PDE11A: variants seen among roughly 807,000 people sequenced by gnomAD.
PDE11A encodes phosphodiesterase 11A.
In PDE11A, 100 loss-of-function variants were observed where a neutral mutation model predicts 100.5. That is an observed-to-expected ratio of 1.00 (90% CI 0.85 to 1.18). PDE11A has a LOEUF of 1.18. Among genes scored for constraint, PDE11A ranks in the 50% most tolerant of loss-of-function variants. The pLI is 0.00. For missense variants in PDE11A, 1,141 were observed against 1,152.6 expected (o/e 0.99, Z 0.15); for synonymous variants, 381 against 420.8 (o/e 0.91, Z 1.16).
At chr2:178,044,491 C>A (rs1574363826) in intron 1 of PDE11A, among the ~76,000 whole-genome samples, 1 of 96,638 alleles carries the variant, frequency 1.0e-5, no homozygotes, top group Admixed American at 9.5e-5. Flanking sequence ...CTGATATAAA[C>A]CCTTGTTTAT....
intron 2 of PDE11A, among the ~76,000 whole-genome samples, chr2:177,966,938 T>A (rs7604345): frequency 0.5 from 75,937 of 151,960 alleles, 21,910 homozygotes; most frequent in African/African-American, 0.8. Flanking sequence ...TGACAGCTCT[T>A]CTTTATACAT....
chr2:177,957,965 A>G lies in PDE11A; in HGVS notation c.1072-52778T>C, dbSNP rs549201777. Among the ~76,000 whole-genome samples the G allele has an allele frequency of 1.5e-3, 207 of 134,008 alleles. 1 individual carries two copies. Among genetic ancestry groups the G allele is most frequent in the Non-Finnish European group, 2.2e-3 (142 of 65,386 alleles). The allele number at this position is 134,008 out of a possible 152,430, so 87.9% of individuals were successfully genotyped here. A position where few individuals can be genotyped will look rare whatever the true frequency, so the allele number is the denominator to read the frequency against. On this transcript the variant is annotated intron_variant, in intron 2 of 19. Transcript: ENST00000286063. ...GCCCAGGCTGGAGTGCAGTGGCGCA[A>G]TCTTGGCTCACTGCAACCTCCCCTC...
chr2:177,711,324 T>C (rs6718702), intron 13 of PDE11A, among the ~76,000 whole-genome samples: 115,507 of 152,206 alleles, frequency 0.76, 43,974 homozygotes, highest in East Asian at 0.84. Context: ...ATAGTTTATA[T>C]AATACCCAAC....
intron 1 of PDE11A, chr2:178,105,704 A>T: frequency 1.0e-6 from 1 of 1,003,372 alleles, no homozygotes; most frequent in Non-Finnish European, 1.4e-6. Context: ...GTGGAACCTG[A>T]TGGCATAGGT....
intron 5 of PDE11A, among the ~76,000 whole-genome samples, chr2:177,847,107 C>T (rs2083613830): frequency 6.6e-6 from 1 of 152,220 alleles, no homozygotes; most frequent in Non-Finnish European, 1.5e-5. Flanking sequence ...GCATGCCTTC[C>T]TTATTCGTAC....
At chr2:177,731,943 A>AT (rs926259559) in intron 10 of PDE11A, among the ~76,000 whole-genome samples, 6 of 152,168 alleles carry the variant, frequency 3.9e-5, no homozygotes, top group Non-Finnish European at 8.8e-5. Context: ...ACTAAAAAAA[A>AT]CCTTTATTTT....
At chr2:177,936,700 C>A (rs907501128) in intron 2 of PDE11A, among the ~76,000 whole-genome samples, 36 of 152,170 alleles carry the variant, frequency 2.4e-4, no homozygotes, top group Admixed American at 1.5e-3. Flanking sequence ...GTGTGTGGAT[C>A]ACCTGAGGTC....
intron 2 of PDE11A, among the ~76,000 whole-genome samples, chr2:177,933,908 T>G (rs2085240341): frequency 6.6e-6 from 1 of 152,150 alleles, no homozygotes; most frequent in Non-Finnish European, 1.5e-5. Flanking sequence ...TGAATGGTGT[T>G]GGGATAGCTG....
intron 15 of PDE11A, among the ~76,000 whole-genome samples, chr2:177,693,488 C>A (rs527563539): frequency 2.0e-5 from 3 of 152,194 alleles, no homozygotes; most frequent in African/African-American, 7.2e-5. Flanking sequence ...CCCTCCTTCC[C>A]CATTTCACTG....
At chr2:177,728,307 C>T in intron 10 of PDE11A, 135 bp from the exon 11 acceptor site, 1 of 715,492 alleles carries the variant, frequency 1.4e-6, no homozygotes, top group Non-Finnish European at 2.5e-6. Flanking sequence ...TACAGCTAAA[C>T]TCTGAGCTGT....
At chr2:177,996,476 T>C (rs397868412) in intron 2 of PDE11A, among the ~76,000 whole-genome samples, 8,383 of 149,794 alleles carry the variant, frequency 0.056, 305 homozygotes, top group South Asian at 0.092. Context: ...TACATATATA[T>C]ATATATATAT....
chr2:177,719,677 T>C (rs1405624001), intron 12 of PDE11A, among the ~76,000 whole-genome samples: 1 of 152,122 alleles, frequency 6.6e-6, no homozygotes, highest in Non-Finnish European at 1.5e-5. Flanking sequence ...CTTATGAGCT[T>C]GGAACAGAAA....
intron 2 of PDE11A, among the ~76,000 whole-genome samples, chr2:178,005,505 T>G (rs1048830975): frequency 5.3e-5 from 8 of 152,132 alleles, no homozygotes; most frequent in African/African-American, 1.9e-4. Context: ...ATCTAATCAC[T>G]ACTTGGAATT....
At chr2:178,034,502 A>G (rs954328924) in intron 1 of PDE11A, among the ~76,000 whole-genome samples, 4 of 152,186 alleles carry the variant, frequency 2.6e-5, no homozygotes, top group African/African-American at 9.7e-5. Flanking sequence ...CAGGACTTGA[A>G]CTCGGCTATG....
At chr2:177,646,761 C>G (rs146401492) in intron 19 of PDE11A, among the ~76,000 whole-genome samples, 8 of 152,318 alleles carry the variant, frequency 5.3e-5, no homozygotes, top group Admixed American at 2.0e-4. Context: ...GAAGAAACAC[C>G]ACTTCCCAAA....
chr2:178,006,531 T>A lies in PDE11A; in HGVS notation c.1071+7771A>T, dbSNP rs542135572. Among the ~76,000 whole-genome samples the A allele has an allele frequency of 4.6e-5, 7 of 152,256 alleles. No homozygotes were observed. In the East Asian group the frequency reaches 1.4e-3, roughly 29 times the overall value. On this transcript the variant is annotated intron_variant, in intron 2 of 19. Transcript: ENST00000286063. ...GGAAAAGACCACAGCCATGACACCA[T>A]GGCAATATTGCTCCAATAGAAAAAA...
intron 2 of PDE11A, among the ~76,000 whole-genome samples, chr2:178,091,480 T>G (rs2087422596): frequency 6.6e-6 from 1 of 152,146 alleles, no homozygotes; most frequent in Non-Finnish European, 1.5e-5. Flanking sequence ...TCTCTCTAGG[T>G]GTCAACACAG....
intron 6 of PDE11A, among the ~76,000 whole-genome samples, chr2:177,826,128 C>G (rs1399610745): frequency 2.6e-5 from 4 of 152,144 alleles, no homozygotes; most frequent in Non-Finnish European, 4.4e-5. Flanking sequence ...AACAGTTAAA[C>G]TAAATATATT....
chr2:177,871,064 G>T (rs537677620), intron 5 of PDE11A, among the ~76,000 whole-genome samples: 11 of 152,026 alleles, frequency 7.2e-5, no homozygotes, highest in African/African-American at 2.7e-4. Flanking sequence ...GAGAAAATAC[G>T]GTGTTTAAAA....
Sources: allele counts gnomAD v4.1 joint callset (sites outside exome capture counted in the v4.1 genomes callset), GRCh38; gene constraint gnomAD v4.1.1; transcripts MANE v1.5; gene names NCBI Gene and HGNC (gene_info 2026-07-23, HGNC 2026-07-21).